SEL1L3: variants seen among roughly 807,000 people sequenced by gnomAD.
SEL1L3 encodes the protein protein sel-1 homolog 3.
In SEL1L3, 76 loss-of-function variants were observed where a neutral mutation model predicts 142.8. The ratio of observed to expected loss-of-function variants is 0.53; its 90% CI spans 0.44 to 0.64. The LOEUF is 0.64. Among genes scored for constraint, SEL1L3 ranks in the 30% least tolerant of loss-of-function variants. The pLI, the probability that SEL1L3 is intolerant of heterozygous loss-of-function variation, is 0.00. For synonymous variants in SEL1L3, 504 were observed against 519.6 expected (o/e 0.97, Z 0.41); for missense variants, 1,262 against 1,381.7 (o/e 0.91, Z 1.37).
At chr4:25,791,025 C>T (rs1484547270) in intron 11 of SEL1L3, among the ~76,000 whole-genome samples, 1 of 152,200 alleles carries the variant, frequency 6.6e-6, no homozygotes, top group Non-Finnish European at 1.5e-5. Context: ...AAAGTATTTG[C>T]CTTGAGAAAC....
In SEL1L3 at chr4:25,808,808, G is replaced by GC. The variant is rs559254445; in HGVS notation, c.1565-4057dup. 5.2e-5 allele frequency among the ~76,000 whole-genome samples: 8 copies of GC among 152,390 alleles called. No individual in the cohort carries two copies. In the South Asian group the frequency reaches 1.7e-3, roughly 32 times the overall value. On this transcript the variant is annotated intron_variant, in intron 9 of 23. Transcript: ENST00000399878. The stretch of plus-strand genomic sequence containing the variant: ...ATTTGGGCCATGTGCAGTGGCGCAC[G>GC]CCTGTAATCCCAGCACTTTGGGAGG...
the SEL1L3 span, among the ~76,000 whole-genome samples, chr4:25,726,525 C>T: frequency 2.5e-5 from 2 of 79,276 alleles, no homozygotes; most frequent in Non-Finnish European, 4.8e-5. Context: ...AAGACTTGGT[C>T]TCAAAAAAAA....
At chr4:25,756,722 A>G in intron 23 of SEL1L3, 1 of 1,107,398 alleles carries the variant, frequency 9.0e-7, no homozygotes, top group Non-Finnish European at 1.1e-6. Flanking sequence ...AACCATGCTC[A>G]GCTAAATGCC....
At chr4:25,793,016 C>T (rs527872128) in intron 11 of SEL1L3, among the ~76,000 whole-genome samples, 20 of 152,350 alleles carry the variant, frequency 1.3e-4, no homozygotes, top group African/African-American at 4.8e-4. Flanking sequence ...ATGTGCCAGG[C>T]ACTGTCCTAA....
downstream of SEL1L3, among the ~76,000 whole-genome samples, chr4:25,743,374 A>T (rs777487594): frequency 6.6e-6 from 1 of 152,126 alleles, no homozygotes; most frequent in Non-Finnish European, 1.5e-5. Flanking sequence ...TCTGTACCCT[A>T]CCCTCTGTTA....
At chr4:25,848,011 C>T (rs1481855466) in intron 1 of SEL1L3, 147 bp from the exon 2 acceptor site, 1 of 616,798 alleles carries the variant, frequency 1.6e-6, no homozygotes, top group Non-Finnish European at 2.8e-6. Context: ...GATGTCAAAA[C>T]CACTACTGAA....
chr4:25,731,804 G>A, the SEL1L3 span, among the ~76,000 whole-genome samples: 35 of 152,284 alleles, frequency 2.3e-4, no homozygotes, highest in Admixed American at 4.6e-4. Flanking sequence ...TGGGTGCAGT[G>A]GCTCATGCGT....
intron 9 of SEL1L3, among the ~76,000 whole-genome samples, chr4:25,806,091 T>G (rs980253900): frequency 3.4e-5 from 5 of 147,452 alleles, no homozygotes; most frequent in African/African-American, 1.2e-4. Flanking sequence ...CAGGCTGGAG[T>G]GCAGTGGCGC....
At chr4:25,765,540 C>A in intron 19 of SEL1L3, 105 bp from the exon 20 acceptor site, 1 of 716,578 alleles carries the variant, frequency 1.4e-6, no homozygotes, top group Non-Finnish European at 2.5e-6. Context: ...CTATTAGTAT[C>A]TGAATACAGA....
chr4:25,724,449 A>G, the SEL1L3 span, among the ~76,000 whole-genome samples: 2 of 151,824 alleles, frequency 1.3e-5, no homozygotes, highest in Non-Finnish European at 2.9e-5. Context: ...GGTAAAAGAA[A>G]AGAAAAAAAA....
At chr4:25,767,652 G>A (rs201976565) in intron 18 of SEL1L3, 43 bp from the exon 19 acceptor site, 285 of 1,502,226 alleles carry the variant, frequency 1.9e-4, no homozygotes, top group Non-Finnish European at 2.5e-4. Flanking sequence ...TTAATATTTC[G>A]GCCAAGTGAC....
the SEL1L3 span, among the ~76,000 whole-genome samples, chr4:25,723,304 G>A: frequency 6.6e-6 from 1 of 152,178 alleles, no homozygotes; most frequent in Non-Finnish European, 1.5e-5. Context: ...CTAAGATGGA[G>A]TTACTTACAT....
At chr4:25,783,120 C>T (rs1220078589) in intron 14 of SEL1L3, among the ~76,000 whole-genome samples, 1 of 152,204 alleles carries the variant, frequency 6.6e-6, no homozygotes, top group Non-Finnish European at 1.5e-5. Context: ...ACTAGGATGG[C>T]TACAGAGATG....
At chr4:25,789,749 A>C (rs1712159173) in intron 12 of SEL1L3, among the ~76,000 whole-genome samples, 1 of 151,994 alleles carries the variant, frequency 6.6e-6, no homozygotes, top group Non-Finnish European at 1.5e-5. Context: ...GCCAAAACTA[A>C]ATCCTTCCTA....
intron 20 of SEL1L3, among the ~76,000 whole-genome samples, chr4:25,763,307 A>G (rs563425500): frequency 3.0e-4 from 46 of 152,318 alleles, no homozygotes; most frequent in African/African-American, 7.5e-4. Flanking sequence ...AACAGAATAG[A>G]TCATGTCCAC....
At chr4:25,802,605 G>T (rs576616099) in intron 10 of SEL1L3, 143 bp from the exon 11 acceptor site, 3 of 717,186 alleles carry the variant, frequency 4.2e-6, no homozygotes, top group Non-Finnish European at 6.8e-6. Context: ...TTTTTGAGAC[G>T]GAGCCTTGGC....
At chr4:25,811,670 A>G (rs1029450952) in intron 9 of SEL1L3, among the ~76,000 whole-genome samples, 3 of 152,234 alleles carry the variant, frequency 2.0e-5, no homozygotes, top group Admixed American at 2.0e-4. Context: ...AAGAGTCTTA[A>G]AAAACAAACA....
At chr4:25,739,037 C>T in the SEL1L3 span, among the ~76,000 whole-genome samples, 1 of 151,652 alleles carries the variant, frequency 6.6e-6, no homozygotes, top group African/African-American at 2.4e-5. Context: ...AACCCTGTCT[C>T]TACTAAAAAA....
chr4:25,846,431 C>T (rs1013683108), intron 2 of SEL1L3, among the ~76,000 whole-genome samples: 1 of 152,146 alleles, frequency 6.6e-6, no homozygotes, highest in African/African-American at 2.4e-5. Context: ...GAAGGAACTG[C>T]TTGTTATCCC....
Sources: gnomAD v4.1 joint callset for allele counts (sites outside exome capture counted in the v4.1 genomes callset) on GRCh38, gnomAD v4.1.1 for gene constraint, MANE v1.5 for transcripts, NCBI Gene and HGNC (gene_info 2026-07-23, HGNC 2026-07-21) for gene names.